The following CLDN11 variants were observed in gnomAD, a reference collection of about 807,000 sequenced individuals.
CLDN11 encodes claudin-11.
A neutral mutation model predicts 18.0 loss-of-function variants in CLDN11; 1 was observed. The observed-to-expected ratio is 0.06, with a 90% confidence interval of 0.02 to 0.26. The LOEUF (loss-of-function observed/expected upper bound fraction) is 0.26, where lower values mean the gene tolerates loss of function less well. Ranked by LOEUF, CLDN11 falls within the 10% of genes least tolerant of loss-of-function variation. The pLI is 1.00. For missense variants in CLDN11, 172 were observed against 276.6 expected, an observed-to-expected ratio of 0.62 and a Z score of 2.68; for synonymous variants, 116 against 121.5, an observed-to-expected ratio of 0.96 and a Z score of 0.30.
At chr3:170,429,041 A>G (rs1292643410) in intron 2 of CLDN11, among the ~76,000 whole-genome samples, 6 of 152,214 alleles carry the variant, frequency 3.9e-5, no homozygotes, top group Non-Finnish European at 1.5e-5. Context: ...TTATATTACT[A>G]TTTCACATTT....
intron 2 of CLDN11, among the ~76,000 whole-genome samples, chr3:170,425,795 G>C (rs991232082): frequency 1.3e-5 from 2 of 152,148 alleles, no homozygotes; most frequent in African/African-American, 4.8e-5. Context: ...GCTCCTATCC[G>C]GATTTGTTTC....
chr3:170,426,344 G>A lies in CLDN11; in HGVS notation c.391+3017G>A, dbSNP rs368748299. Among the ~76,000 whole-genome samples the A allele has an allele frequency of 7.4e-4, 112 of 152,340 alleles. 1 individual carries two copies. The highest frequency in any genetic ancestry group is 2.6e-3 in the African/African-American group (107 of 41,576). On this transcript the variant is annotated intron_variant, in intron 2 of 2. Coordinates refer to ENST00000064724, the MANE Select transcript of CLDN11 (RefSeq NM_005602.6). ...GTTCCTGCTGTGGAGGAAGAAATAG[G>A]AGCCAGTTGCTTCTAAAGCCAGATG...
rs528449378 is a variant in CLDN11, at chr3:170,419,865, G to T, written c.226+573G>T. On this transcript the variant is annotated intron_variant, in intron 1 of 2. Coordinates refer to ENST00000064724, the MANE Select transcript of CLDN11 (RefSeq NM_005602.6). This position sits in a 1 kb window ranked among gnomAD's most constrained non-coding sequence, Gnocchi z 8.6. Reference sequence around the variant, plus strand: ...ATTCACGTCCAGGGCTCTCTGGGCTGCCTGGTTTGGGAAATGTCACGTTGA... The same window carrying T: ...ATTCACGTCCAGGGCTCTCTGGGCTTCCTGGTTTGGGAAATGTCACGTTGA... Among the ~76,000 whole-genome samples, 23 of 152,374 alleles carry T rather than the reference G, an allele frequency of 1.5e-4. No homozygotes were observed. Among genetic ancestry groups the T allele is most frequent in the African/African-American group, 5.5e-4 (23 of 41,596 alleles).
chr3:170,433,464 A>T lies in CLDN11; in HGVS notation c.*708A>T, dbSNP rs1739063604. On this transcript the variant is annotated 3_prime_UTR_variant, in exon 3 of 3. Transcript: ENST00000064724. Reference sequence around the variant, plus strand: ...CAAGATGCTTTTCAAACTGATACAGATGACAATGGGAGCCTCATAAAGATG... The same window carrying T: ...CAAGATGCTTTTCAAACTGATACAGTTGACAATGGGAGCCTCATAAAGATG... 1 of 152,122 alleles carries T rather than the reference A, an allele frequency of 6.6e-6. No individual in the cohort carries two copies. Among genetic ancestry groups the T allele is most frequent in the Non-Finnish European group, 1.5e-5 (1 of 68,056 alleles). The allele number at this position is 152,122 out of a possible 1,614,324, so 9.4% of individuals were successfully genotyped here.
rs549752354 is a variant in CLDN11, at chr3:170,432,565, G to A, written c.433G>A (p.Ala145Thr). ...TGCCACCATCTGGTTCCCTGTGTGC[G>A]CCCACCGTGAGACCACCATCGTGAG... ...LVATIWFPVC[A>T]HRETTIVSFG... is the part of the protein sequence containing the mutation. The change falls in exon 3 of 3, where the codon GCC (alanine) becomes ACC (threonine). Residue 145 changes from alanine (A) to threonine (T), a missense_variant. Transcript: ENST00000064724. 4.3e-6 allele frequency: 7 copies of A among 1,613,750 alleles called. No individual in the cohort carries two copies. The highest frequency in any genetic ancestry group is 1.7e-5 in the Admixed American group (1 of 60,020).
At chr3:170,424,027 AAAAAAAAAAAAG>A (rs1738784045) in intron 2 of CLDN11, among the ~76,000 whole-genome samples, 1 of 144,710 alleles carries the variant, frequency 6.9e-6, no homozygotes, top group African/African-American at 2.8e-5. Flanking sequence ...CAACTCCAAA[AAAAAAAAAAAAG>A]AAAAAGAAAA....
At chr3:170,429,840 T>C (rs1198045843) in intron 2 of CLDN11, among the ~76,000 whole-genome samples, 1 of 152,248 alleles carries the variant, frequency 6.6e-6, no homozygotes. Flanking sequence ...CTTTCCTGCA[T>C]GTGTGTGCAC....
In CLDN11 at chr3:170,418,965, A is replaced by G. The variant is rs1738653597; in HGVS notation, c.-102A>G. 6 of 881,066 alleles carry G rather than the reference A, an allele frequency of 6.8e-6. No homozygotes were observed. The highest frequency in any genetic ancestry group is 1.1e-5 in the Non-Finnish European group (6 of 567,352). The allele number at this position is 881,066 out of a possible 1,614,324, so 54.6% of individuals were successfully genotyped here. ...GTCCCGCCTCGGGCCGTCGCCCTCC[A>G]GCGGCTCGCGAGCGTGGGAGACGTA... On this transcript the variant is annotated 5_prime_UTR_variant, in exon 1 of 3. Transcript: ENST00000064724. The surrounding 1 kb of genome is among the most constrained non-coding windows in gnomAD (Gnocchi z 4.3).
At chr3:170,421,153 G>T (rs1196998201) in intron 1 of CLDN11, 5 of 28,754 alleles carry the variant, frequency 1.7e-4, no homozygotes, top group African/African-American at 5.0e-4. Flanking sequence ...CTCTGGGGGT[G>T]GGGGGGGGGT....
intron 2 of CLDN11, among the ~76,000 whole-genome samples, chr3:170,425,119 A>G (rs769854619): frequency 3.9e-5 from 6 of 152,202 alleles, no homozygotes. Flanking sequence ...TGCTCTATGG[A>G]GGTCAGGTCT....
At chr3:170,427,621 CA>C (rs1738889220) in intron 2 of CLDN11, among the ~76,000 whole-genome samples, 1 of 150,464 alleles carries the variant, frequency 6.6e-6, no homozygotes, top group Non-Finnish European at 1.5e-5. Context: ...AAATCCATCT[CA>C]AAAAAACAAA....
chr3:170,431,398 A>G (rs1738999963), intron 2 of CLDN11, among the ~76,000 whole-genome samples: 1 of 152,204 alleles, frequency 6.6e-6, no homozygotes, highest in Non-Finnish European at 1.5e-5. Flanking sequence ...TTAATGTGCC[A>G]TCTCAACTTA....
intron 2 of CLDN11, among the ~76,000 whole-genome samples, chr3:170,423,994 G>A (rs146301131): frequency 0.024 from 3,231 of 134,664 alleles, 73 homozygotes; most frequent in Admixed American, 0.075. Flanking sequence ...ACGCTACTGC[G>A]TTCCATCCTG....
chr3:170,429,728 G>C (rs1161001931), intron 2 of CLDN11, among the ~76,000 whole-genome samples: 1 of 152,112 alleles, frequency 6.6e-6, no homozygotes, highest in Admixed American at 6.6e-5. Flanking sequence ...CTTGTTTTAT[G>C]ATTTGCTTAA....
chr3:170,423,979 A>AG (rs1404005078), intron 2 of CLDN11, among the ~76,000 whole-genome samples: 2 of 150,230 alleles, frequency 1.3e-5, no homozygotes, highest in Non-Finnish European at 3.0e-5. Flanking sequence ...CGGTGAGCTG[A>AG]GATCACGCTA....
chr3:170,430,908 C>T (rs1208256781), intron 2 of CLDN11, among the ~76,000 whole-genome samples: 1 of 152,138 alleles, frequency 6.6e-6, no homozygotes, highest in Non-Finnish European at 1.5e-5. Context: ...GTTAGAAAGC[C>T]AATCTGGGCA....
intron 1 of CLDN11, 164 bp from the exon 2 acceptor site, chr3:170,422,999 A>T: frequency 1.4e-6 from 1 of 728,122 alleles, no homozygotes; most frequent in Non-Finnish European, 2.3e-6. Flanking sequence ...GTTGTTTTAA[A>T]AGTTAAAAAG....
At chr3:170,422,974 C>CT (rs1738759143) in intron 1 of CLDN11, 189 bp from the exon 2 acceptor site, 4 of 623,846 alleles carry the variant, frequency 6.4e-6, no homozygotes, top group African/African-American at 3.7e-5. Flanking sequence ...CTCCAGCCCC[C>CT]TTTTTTCTTG....
intron 2 of CLDN11, among the ~76,000 whole-genome samples, chr3:170,429,412 G>A (rs1464358321): frequency 6.6e-6 from 1 of 152,150 alleles, no homozygotes; most frequent in Non-Finnish European, 1.5e-5. Context: ...ATGAGCTTGC[G>A]ACTTTAAGTG....
Sources: allele counts gnomAD v4.1 joint callset (sites outside exome capture counted in the v4.1 genomes callset), GRCh38; gene constraint gnomAD v4.1.1; non-coding constraint Gnocchi (gnomAD v3.1); transcripts MANE v1.5; gene names NCBI Gene and HGNC (gene_info 2026-07-23, HGNC 2026-07-21).